Variants in ANO4 observed in about 807,000 individuals in gnomAD.
ANO4 encodes the protein anoctamin 4, also known as anoctamin-4.
In ANO4, 69 loss-of-function variants were observed where a neutral mutation model predicts 141.9. The observed-to-expected ratio is 0.49, with a 90% CI of 0.40 to 0.59. ANO4 has a LOEUF of 0.59. Among genes scored for constraint, ANO4 ranks in the 20% least tolerant of loss-of-function variants. The pLI is 0.00. For synonymous variants in ANO4, 350 were observed against 394.3 expected (o/e 0.89, Z 1.33); for missense variants, 894 against 1,162.2 (o/e 0.77, Z 3.36).
chr12:101,022,326 C>A (rs1045267639), intron 9 of ANO4, among the ~76,000 whole-genome samples: 4 of 152,130 alleles, frequency 2.6e-5, no homozygotes, highest in African/African-American at 4.8e-5. Context: ...TGAATGAATT[C>A]TTCTCTCTTC....
At chr12:100,817,992 A>C (rs1414788756) in intron 1 of ANO4, among the ~76,000 whole-genome samples, 1 of 151,786 alleles carries the variant, frequency 6.6e-6, no homozygotes, top group Non-Finnish European at 1.5e-5. Flanking sequence ...GAATTCATCT[A>C]ACTTTAATGA....
At chr12:101,095,503 T>G (rs2049946890) in intron 18 of ANO4, among the ~76,000 whole-genome samples, 1 of 152,134 alleles carries the variant, frequency 6.6e-6, no homozygotes, top group African/African-American at 2.4e-5. Context: ...AGAAAACCCT[T>G]TAAGAATCCT....
chr12:101,024,628 A>G (rs1482738712), intron 9 of ANO4, among the ~76,000 whole-genome samples: 3 of 151,936 alleles, frequency 2.0e-5, no homozygotes, highest in African/African-American at 7.2e-5. Context: ...TGAGTCTCTT[A>G]TTAGGTCCTT....
intron 12 of ANO4, 68 bp downstream of exon 12, chr12:101,042,536 G>T (rs1326233080): frequency 1.3e-6 from 2 of 1,581,336 alleles, no homozygotes; most frequent in Non-Finnish European, 8.6e-7. Flanking sequence ...CACTTTGGGG[G>T]TATTCACAGA....
chr12:101,096,589 C>A lies in ANO4; in HGVS notation c.1792C>A (p.Leu598Ile), dbSNP rs267603264. Residue 598 changes from leucine (L) to isoleucine (I), a missense_variant, in exon 19 of 28, where the codon CTT becomes ATT. Around this residue, in one of 2 missense-constraint regions of ANO4, gnomAD observed 637 missense variants for 909.2 expected, o/e 0.70. Coordinates refer to ENST00000392977, the MANE Select transcript of ANO4 (RefSeq NM_001286615.2). ...GAACAGCTTCACCCTGAAAATGTTT[C>A]TTTTTCAGTTTGTCAATCTGAACAG... ...WENSFTLKMF[L>I]FQFVNLNSST... 12 of 1,613,470 alleles carry A rather than the reference C, an allele frequency of 7.4e-6. No individual in the cohort carries two copies. Among genetic ancestry groups the A allele is most frequent in the Non-Finnish European group, 5.9e-6 (7 of 1,179,674 alleles).
At chr12:101,050,929 AGTGGTATCCTG>A (rs920480716) in intron 14 of ANO4, among the ~76,000 whole-genome samples, 1 of 152,190 alleles carries the variant, frequency 6.6e-6, no homozygotes, top group Non-Finnish European at 1.5e-5. Context: ...TCTATATAAG[AGTGGTATCCTG>A]GTGGTATCCT....
chr12:101,082,346 C>G (rs918663444), intron 15 of ANO4, among the ~76,000 whole-genome samples: 1 of 152,156 alleles, frequency 6.6e-6, no homozygotes, highest in Non-Finnish European at 1.5e-5. Flanking sequence ...TCCATTAACC[C>G]TCTTTTTCTT....
chr12:101,098,598 A>G (rs1428523378), intron 21 of ANO4, among the ~76,000 whole-genome samples: 2 of 152,214 alleles, frequency 1.3e-5, no homozygotes, highest in Non-Finnish European at 2.9e-5. Context: ...GCTCTCTGTC[A>G]GAACCAAAGC....
At chr12:100,826,810 A>G (rs766023817) in intron 1 of ANO4, among the ~76,000 whole-genome samples, 3 of 151,990 alleles carry the variant, frequency 2.0e-5, no homozygotes, top group Non-Finnish European at 4.4e-5. Flanking sequence ...AATGGCAACT[A>G]CATCCTTTGT....
At chr12:100,926,769 T>C (rs1218762753) in intron 3 of ANO4, among the ~76,000 whole-genome samples, 4 of 152,122 alleles carry the variant, frequency 2.6e-5, no homozygotes, top group South Asian at 2.1e-4. Context: ...GCCTTTTTTT[T>C]CTGAAAGCCT....
chr12:101,054,274 T>C (rs1469631701), intron 14 of ANO4, among the ~76,000 whole-genome samples: 1 of 152,208 alleles, frequency 6.6e-6, no homozygotes, highest in Non-Finnish European at 1.5e-5. Flanking sequence ...AGTATACAAG[T>C]AAAACACGAT....
At chr12:100,984,173 T>C (rs938907432) in intron 7 of ANO4, among the ~76,000 whole-genome samples, 15 of 152,130 alleles carry the variant, frequency 9.9e-5, no homozygotes, top group Non-Finnish European at 1.8e-4. Flanking sequence ...CTCGGCTCAC[T>C]GCAACCTCTA....
At chr12:101,014,914 C>CT (rs1339144728) in intron 8 of ANO4, among the ~76,000 whole-genome samples, 1 of 152,092 alleles carries the variant, frequency 6.6e-6, no homozygotes, top group African/African-American at 2.4e-5. Flanking sequence ...ACTATACCCT[C>CT]TAACTCCTGG....
chr12:100,821,651 C>T (rs981072150), intron 1 of ANO4, among the ~76,000 whole-genome samples: 5 of 151,894 alleles, frequency 3.3e-5, no homozygotes, highest in African/African-American at 9.7e-5. Flanking sequence ...AAGAGTGTTA[C>T]GTGTCAGGAT....
chr12:101,012,574 T>C (rs562216501), intron 8 of ANO4, among the ~76,000 whole-genome samples: 1 of 152,316 alleles, frequency 6.6e-6, no homozygotes, highest in South Asian at 2.1e-4. Context: ...GTTGCTTGTT[T>C]ACAATGAGCA....
At chr12:100,795,463 G>A (rs1382764425) in intron 1 of ANO4, among the ~76,000 whole-genome samples, 1 of 152,178 alleles carries the variant, frequency 6.6e-6, no homozygotes, top group Non-Finnish European at 1.5e-5. Context: ...ATAAAGATGA[G>A]CACACACGTG....
chr12:101,030,171 A>G (rs1037907727), intron 9 of ANO4, among the ~76,000 whole-genome samples: 2 of 152,150 alleles, frequency 1.3e-5, no homozygotes, highest in African/African-American at 4.8e-5. Context: ...AATCAATAGA[A>G]TATACATTCT....
intron 1 of ANO4, among the ~76,000 whole-genome samples, chr12:100,868,457 C>T (rs2038871463): frequency 6.6e-6 from 1 of 152,104 alleles, no homozygotes; most frequent in Non-Finnish European, 1.5e-5. Flanking sequence ...ACCACAGATC[C>T]CTGTGGAATA....
rs74660584 is a variant in ANO4 at position 100,976,531 on chromosome 12, C to G, written c.602+1642C>G. On this transcript the variant is annotated intron_variant, in intron 7 of 27. Coordinates refer to ENST00000392977, the MANE Select transcript of ANO4 (RefSeq NM_001286615.2). ...ATATTAATAGTTCTCAAACTCCAGCCAGCATCAGAATCACCTTGTTAAGGC... is the reference window on the plus strand; with the variant it reads ...ATATTAATAGTTCTCAAACTCCAGCGAGCATCAGAATCACCTTGTTAAGGC... 1.5e-3 allele frequency among the ~76,000 whole-genome samples: 232 copies of G among 152,338 alleles called. 2 individuals carry two copies. The highest frequency in any genetic ancestry group is 5.4e-3 in the African/African-American group (224 of 41,582).
Sources: allele counts gnomAD v4.1 joint callset (sites outside exome capture counted in the v4.1 genomes callset), GRCh38; gene constraint gnomAD v4.1.1; regional missense constraint gnomAD v4.1.1; transcripts MANE v1.5; gene names NCBI Gene and HGNC (gene_info 2026-07-23, HGNC 2026-07-21).